The following NEB variants were observed in gnomAD, a reference collection of about 807,000 sequenced individuals.
NEB encodes the protein nemaline myopathy type 2.
In NEB, 512 loss-of-function variants were observed where a neutral mutation model predicts 952.2. The observed-to-expected ratio is 0.54, with a 90% CI of 0.50 to 0.58. NEB has a LOEUF of 0.58. Among genes scored for constraint, NEB ranks in the 20% least tolerant of loss-of-function variants. The pLI, the probability that NEB is intolerant of heterozygous loss-of-function variation, is 0.00. For synonymous variants in NEB, 2,900 were observed against 3,149.8 expected, an observed-to-expected ratio of 0.92 and a Z score of 2.66; for missense variants, 8,428 against 9,231.1, an observed-to-expected ratio of 0.91 and a Z score of 3.56.
intron 9 of NEB, 111 bp from the exon 10 acceptor site, chr2:151,717,631 C>T (rs2099762644): frequency 2.5e-6 from 2 of 795,590 alleles, no homozygotes; most frequent in Non-Finnish European, 4.2e-6. Context: ...ATGTTACATA[C>T]CATTGCTCTC....
Position 151,490,008 on chromosome 2 carries a change from G to A in NEB, c.25367C>T (p.Thr8456Met), listed in dbSNP as rs78592085. 4,034 of 1,612,568 alleles carry A rather than the reference G, an allele frequency of 2.5e-3. 10 individuals are homozygous for A. The highest frequency in any genetic ancestry group is 4.4e-3 in the Admixed American group (262 of 60,018). The change falls in exon 181 of 182, where the codon ACG becomes ATG. Residue 8456 changes from threonine to methionine, a missense_variant. Thr to Met is a moderately conservative substitution (Grantham distance 81). This residue lies in a region of NEB where 3,374 missense variants were observed against 3,651.5 expected (regional missense o/e 0.92). Transcript: ENST00000397345. ...RSSSVATQQTTVSSIPSHPST... is the reference protein window; with the variant it reads ...RSSSVATQQTMVSSIPSHPST... ...TGGATGAGATGGGATGGAAGATACC[G>A]TTGTCTGTTGGGTAGCAACTGAAGA...
chr2:151,700,954 G>A, intron 13 of NEB, among the ~76,000 whole-genome samples: 1 of 46,824 alleles, frequency 2.1e-5, no homozygotes. Flanking sequence ...GTTTTCAAAG[G>A]GAATGCTTCC....
At chr2:151,702,481 T>C (rs1420944972) in intron 13 of NEB, among the ~76,000 whole-genome samples, 1 of 152,084 alleles carries the variant, frequency 6.6e-6, no homozygotes, top group East Asian at 1.9e-4. Context: ...AAGTCTCCCA[T>C]TATTAATGTG....
intron 65 of NEB, among the ~76,000 whole-genome samples, chr2:151,632,677 G>GAAA (rs761404681): frequency 5.9e-5 from 3 of 50,628 alleles, no homozygotes; most frequent in South Asian, 1.2e-3. Context: ...CTCTGTCTCA[G>GAAA]AAAAAAAAAA....
intron 46 of NEB, 70 bp from the exon 47 acceptor site, chr2:151,659,239 T>A: frequency 1.2e-6 from 1 of 802,288 alleles, no homozygotes; most frequent in Non-Finnish European, 2.1e-6. Flanking sequence ...TACATATCAT[T>A]GTACATATAT....
At chr2:151,704,653 TCGGAAAGGTAACTCTCTGAC>T (rs1197005371) in intron 13 of NEB, among the ~76,000 whole-genome samples, 5 of 152,054 alleles carry the variant, frequency 3.3e-5, no homozygotes, top group Non-Finnish European at 4.4e-5. Context: ...TTTCTTTGAG[TCGGAAAGGTAACTCTCTGAC>T]CCCTTGCGCT....
intron 138 of NEB, among the ~76,000 whole-genome samples, chr2:151,538,908 C>G (rs2093654297): frequency 6.6e-6 from 1 of 152,182 alleles, no homozygotes; most frequent in Non-Finnish European, 1.5e-5. Flanking sequence ...CAACGTCAAA[C>G]AGTTCTTTTC....
rs201780892 is a variant in NEB at position 151,531,647 on chromosome 2, TG to T, written c.21522+144del. ...AATTCTTTATTGGGGAGGAGAATCC[TG>T]TGCATAACAGGACATCTCGCACCCC... On this transcript the variant is annotated intron_variant, in intron 144 of 181. Coordinates refer to ENST00000397345, the MANE Select transcript of NEB (RefSeq NM_001164508.2). 3.7e-3 allele frequency: 2,462 copies of T among 668,674 alleles called. 54 individuals carry two copies. The African/African-American group carries it at 0.039, about 11-fold the overall frequency. 41.4% of individuals were successfully genotyped at this position (668,674 alleles called of 1,614,324 possible).
chr2:151,520,399 AAAT>A (rs2081114414), intron 153 of NEB, among the ~76,000 whole-genome samples: 1 of 152,196 alleles, frequency 6.6e-6, no homozygotes, highest in South Asian at 2.1e-4. Context: ...TAATGAGAAA[AAAT>A]AAGATTAAAT....
chr2:151,490,711 C>T (rs1349294303), intron 179 of NEB, among the ~76,000 whole-genome samples, 193 bp from the exon 180 acceptor site: 3 of 152,190 alleles, frequency 2.0e-5, no homozygotes, highest in Admixed American at 1.3e-4. Flanking sequence ...AGCTTACGTA[C>T]ATGACCAAAG....
rs543795912 is a variant in NEB at position 151,643,907 on chromosome 2, C to T, written c.7867G>A (p.Asp2623Asn). The change falls in exon 57 of 182, where the codon GAC becomes AAC. Residue 2623 changes from aspartate to asparagine, a missense_variant. Around this residue, in one of 11 missense-constraint regions of NEB, gnomAD observed 1,772 missense variants for 1,960.3 expected, o/e 0.90. Transcript: ENST00000397345. ...KKCQTLVSDV[D>N]YKNYLHQWTC... ...CACTGGTGCAGGTAGTTCTTGTAGT[C>T]CACGTCGCTGACTAAGGTCTGGCAC... is the stretch of plus-strand genomic sequence containing the variant. 2 of 1,613,940 alleles carry T rather than the reference C, an allele frequency of 1.2e-6. No individual in the cohort carries two copies. The highest frequency in any genetic ancestry group is 1.7e-5 in the Admixed American group (1 of 60,018).
chr2:151,559,912 A>T (rs185253455), intron 124 of NEB, among the ~76,000 whole-genome samples: 3 of 152,316 alleles, frequency 2.0e-5, no homozygotes, highest in Non-Finnish European at 4.4e-5. Flanking sequence ...CACGTTCTGC[A>T]CGTGTACCCC....
intron 20 of NEB, among the ~76,000 whole-genome samples, 197 bp downstream of exon 20, chr2:151,694,122 AATTT>A (rs2099578530): frequency 6.6e-6 from 1 of 152,178 alleles, no homozygotes; most frequent in Non-Finnish European, 1.5e-5. Flanking sequence ...GATTAAGGAA[AATTT>A]GCAGTATTCA....
At chr2:151,619,894 A>G in intron 72 of NEB, 132 bp from the exon 73 acceptor site, 1 of 890,620 alleles carries the variant, frequency 1.1e-6, no homozygotes, top group Non-Finnish European at 1.7e-6. Flanking sequence ...CTGTAACGCC[A>G]CATATTGGAC....
intron 129 of NEB, 54 bp downstream of exon 129, chr2:151,551,684 C>CA: frequency 9.4e-6 from 13 of 1,388,134 alleles, no homozygotes; most frequent in Non-Finnish European, 1.3e-5. Context: ...CTTGCTTCCA[C>CA]AGAGGCTGAT....
chr2:151,694,051 A>G (rs1223657523), intron 20 of NEB, among the ~76,000 whole-genome samples: 3 of 152,228 alleles, frequency 2.0e-5, no homozygotes, highest in African/African-American at 7.2e-5. Flanking sequence ...TAGGAAAAAT[A>G]ATAAAAACAA....
At chr2:151,711,347 T>C (rs144180333) in intron 10 of NEB, among the ~76,000 whole-genome samples, 88 of 152,338 alleles carry the variant, frequency 5.8e-4, no homozygotes, top group Non-Finnish European at 1.0e-3. Context: ...TCTCCCTCCA[T>C]GGCTCATAAA....
chr2:151,670,059 T>C (rs1194404665), intron 38 of NEB, among the ~76,000 whole-genome samples: 3 of 152,178 alleles, frequency 2.0e-5, no homozygotes, highest in Non-Finnish European at 4.4e-5. Flanking sequence ...TTTATTGTGA[T>C]GTGGAAGACT....
chr2:151,610,560 T>A lies in NEB; in HGVS notation c.11974A>T (p.Ile3992Phe), dbSNP rs1465332264. The change falls in exon 80 of 182, where the codon ATT becomes TTT. Residue 3992 changes from isoleucine (I) to phenylalanine (F), a missense_variant. Transcript: ENST00000397345. Reference protein sequence around the residue: ...MKDYDLRADAISIKSAKASRD... With the variant: ...MKDYDLRADAFSIKSAKASRD... ...GAGGCCTTGGCACTTTTGATGGAAA[T>A]AGCATCTGCTCTCAGATCATAGTCC... 3.7e-6 allele frequency: 6 copies of A among 1,613,704 alleles called. No homozygotes were observed. In the African/African-American group the frequency reaches 5.3e-5, roughly 14 times the overall value.
Sources: gnomAD v4.1 joint callset for allele counts (sites outside exome capture counted in the v4.1 genomes callset) on GRCh38, gnomAD v4.1.1 for gene constraint, gnomAD v4.1.1 regional missense constraint, MANE v1.5 for transcripts, NCBI Gene and HGNC (gene_info 2026-07-23, HGNC 2026-07-21) for gene names.